ACAP3: variants seen among roughly 807,000 people sequenced by gnomAD.
ACAP3 encodes arf-GAP with coiled-coil, ANK repeat and PH domain-containing protein 3.
A neutral mutation model predicts 104.1 loss-of-function variants in ACAP3; 56 were observed. The ratio of observed to expected loss-of-function variants is 0.54; its 90% CI spans 0.43 to 0.67. The LOEUF (loss-of-function observed/expected upper bound fraction) is 0.67, where lower values mean the gene tolerates loss of function less well. Ranked by LOEUF, ACAP3 falls within the 30% of genes least tolerant of loss-of-function variation. ACAP3 has a pLI of 0.00. For synonymous variants in ACAP3, 628 were observed against 496.2 expected (o/e 1.27, Z -3.53); for missense variants, 1,208 against 1,174.9 (o/e 1.03, Z -0.41).
Position 1,294,060 on chromosome 1 carries a change from A to G in ACAP3, c.2249+30T>C, listed in dbSNP as rs771727561. On this transcript the variant is annotated intron_variant, in intron 22 of 23. Transcript: ENST00000354700. ...GGGCCGGGGTAGGCGTGGTCGGGGC[A>G]CAGGGCGGGGCGTGGGTTGCGCGTC... 20 of 1,533,008 alleles carry G rather than the reference A, an allele frequency of 1.3e-5. No homozygotes were observed. In the East Asian group the frequency reaches 4.5e-4, roughly 34 times the overall value. The allele number at this position is 1,533,008 out of a possible 1,614,324, so 95.0% of individuals were successfully genotyped here.
At position 1,295,449 on chromosome 1, in the gene ACAP3, C is replaced by T. The variant is rs776504903; in HGVS notation, c.1811G>A (p.Arg604His). Residue 604 changes from arginine (R) to histidine (H), a missense_variant and splice_region_variant, in exon 19 of 24, where the codon CGC becomes CAC. Transcript: ENST00000354700. ...FDAGAAGAGP[R>H]SLSSDSGLGG... ...GGCTGGGCCCACCCCACACTTACTG[C>T]GAGGGCCAGCCCCTGCGGCCCCTGC... is the stretch of plus-strand genomic sequence containing the variant. 145 of 1,612,162 alleles carry T rather than the reference C, an allele frequency of 9.0e-5. No homozygotes were observed. Among genetic ancestry groups the T allele is most frequent in the Non-Finnish European group, 1.2e-4 (137 of 1,179,732 alleles).
chr1:1,293,583 A>G lies in ACAP3; in HGVS notation c.2486T>C (p.Leu829Pro). 6.8e-7 allele frequency: 1 copy of G among 1,466,192 alleles called. No individual in the cohort carries two copies. Among genetic ancestry groups the G allele is most frequent in the East Asian group, 3.1e-5 (1 of 32,638 alleles). 90.8% of individuals were successfully genotyped at this position (1,466,192 alleles called of 1,614,324 possible). A position where few individuals can be genotyped will look rare whatever the true frequency, so the allele number is the denominator to read the frequency against. Residue 829 changes from leucine to proline, a missense_variant, in exon 24 of 24, where the codon CTC (leucine) becomes CCC (proline). Transcript: ENST00000354700. ...CCGGCCCTAGCTCTCTTCCAGGTGGAGGCTGATGAACTCCTGGATACACCT... is the reference window on the plus strand; with the variant it reads ...CCGGCCCTAGCTCTCTTCCAGGTGGGGGCTGATGAACTCCTGGATACACCT... ...FRRCIQEFIS[L>P]HLEES is the part of the protein sequence containing the mutation.
chr1:1,298,069 C>T lies in ACAP3; in HGVS notation c.960G>A (p.Val320=). The T allele has an allele frequency of 6.2e-7, 1 of 1,610,948 alleles. No individual in the cohort carries two copies. Among genetic ancestry groups the T allele is most frequent in the South Asian group, 1.1e-5 (1 of 90,748 alleles). Reference sequence around the variant, plus strand: ...TCCGCTCGATGTCCTCACACGGCTTCACAGAGCACAGGCGGAGGTCATCCA... The same window carrying T: ...TCCGCTCGATGTCCTCACACGGCTTTACAGAGCACAGGCGGAGGTCATCCA... ...VVVDDLRLCS[V]KPCEDIERRF... is the part of the protein sequence containing the mutation. Residue 320 remains valine, a synonymous_variant, in exon 13 of 24, where the codon GTG becomes GTA. Coordinates refer to ENST00000354700, the MANE Select transcript of ACAP3 (RefSeq NM_030649.3).
In ACAP3 at chr1:1,300,587, G is replaced by C. The variant is rs371151980; in HGVS notation, c.444C>G (p.His148Gln). ...RNAQAPRHRP[H>Q]EVEEATGALT... ...GGGCCCCGGTGGCTTCCTCCACCTCGTGGGGCCGGTGCCTCGGGGCCTGGG... is the reference window on the plus strand; with the variant it reads ...GGGCCCCGGTGGCTTCCTCCACCTCCTGGGGCCGGTGCCTCGGGGCCTGGG... The change falls in exon 6 of 24, where the codon CAC (histidine) becomes CAG (glutamine). Residue 148 changes from histidine to glutamine, a missense_variant. Coordinates refer to ENST00000354700, the MANE Select transcript of ACAP3 (RefSeq NM_030649.3). The C allele has an allele frequency of 1.2e-6, 2 of 1,610,846 alleles. No homozygotes were observed. Among genetic ancestry groups the C allele is most frequent in the East Asian group, 2.2e-5 (1 of 44,756 alleles).
chr1:1,307,489 AG>A (rs1641788203), intron 1 of ACAP3: 3 of 1,257,784 alleles, frequency 2.4e-6, no homozygotes, highest in Non-Finnish European at 3.1e-6. Context: ...AGCCCAGTGG[AG>A]GTGCAGACAC....
At chr1:1,301,125 C>T (rs1328229836) in intron 5 of ACAP3, among the ~76,000 whole-genome samples, 1 of 151,734 alleles carries the variant, frequency 6.6e-6, no homozygotes, top group Non-Finnish European at 1.5e-5. Context: ...GGCTGGAGTG[C>T]AGTGGCACAG....
Position 1,294,806 on chromosome 1 carries a change from G to T in ACAP3, c.1824C>A (p.Ser608Arg). The change falls in exon 20 of 24, where the codon AGC (serine) becomes AGA (arginine). Residue 608 changes from serine (S) to arginine (R), a missense_variant. Coordinates refer to ENST00000354700, the MANE Select transcript of ACAP3 (RefSeq NM_030649.3). ...CCGAGCTGCCCCCAAGGCCACTGTC[G>T]CTACTCAGACCTGCAGGTCCGCAGG... ...AAGAGPRSLS[S>R]DSGLGGSSDG... The T allele has an allele frequency of 1.3e-6, 2 of 1,549,856 alleles. No homozygotes were observed. The highest frequency in any genetic ancestry group is 1.7e-6 in the Non-Finnish European group (2 of 1,146,702).
In ACAP3 at chr1:1,307,424, C is replaced by T. The variant is rs986621108; in HGVS notation, c.47+345G>A. ...AGTCAGAGACCAGGGGCCGACGCCC[C>T]CACGGACCCAGACGACCCTGGCCAG... On this transcript the variant is annotated intron_variant, in intron 1 of 23. Coordinates refer to ENST00000354700, the MANE Select transcript of ACAP3 (RefSeq NM_030649.3). 4 of 1,293,526 alleles carry T rather than the reference C, an allele frequency of 3.1e-6. No individual in the cohort carries two copies. The African/African-American group carries it at 6.1e-5, about 20-fold the overall frequency. 80.1% of individuals were successfully genotyped at this position (1,293,526 alleles called of 1,614,324 possible).
At position 1,299,381 on chromosome 1, in the gene ACAP3, T is replaced by G. The variant is rs749875394; in HGVS notation, c.739-25A>C. 19 of 1,532,620 alleles carry G rather than the reference T, an allele frequency of 1.2e-5. No homozygotes were observed. The East Asian group carries it at 4.3e-4, about 34-fold the overall frequency. 94.9% of individuals were successfully genotyped at this position (1,532,620 alleles called of 1,614,324 possible). ...TCTGGAGGGCCGGAGCAGGAGGGGGTAGGGGGAGAAAGCCAGTGAGTGACG... is the reference window on the plus strand; with the variant it reads ...TCTGGAGGGCCGGAGCAGGAGGGGGGAGGGGGAGAAAGCCAGTGAGTGACG... On this transcript the variant is annotated intron_variant, in intron 9 of 23. Coordinates refer to ENST00000354700, the MANE Select transcript of ACAP3 (RefSeq NM_030649.3).
At chr1:1,304,573 A>G (rs10399878) in intron 1 of ACAP3, 203,337 of 221,320 alleles carry the variant, frequency 0.92, 93,627 homozygotes, top group Non-Finnish European at 0.95. Flanking sequence ...CAGGTCTGGC[A>G]CCCATGCACT....
chr1:1,297,615 A>G (rs11260583), intron 14 of ACAP3, among the ~76,000 whole-genome samples: 4 of 38,340 alleles, frequency 1.0e-4, no homozygotes, highest in Non-Finnish European at 1.5e-4. Context: ...GTGTGTGCAC[A>G]GGCACGGGGC....
At chr1:1,298,509 G>A (rs1334271345) in intron 11 of ACAP3, 58 bp downstream of exon 11, 64 of 257,768 alleles carry the variant, frequency 2.5e-4, no homozygotes, top group African/African-American at 1.0e-3. Flanking sequence ...CCCCACCCCC[G>A]CCTGAGGACC....
At chr1:1,298,257 C>G (rs1641284551) in intron 12 of ACAP3, 113 bp downstream of exon 12, 5 of 1,582,310 alleles carry the variant, frequency 3.2e-6, no homozygotes, top group Non-Finnish European at 4.3e-6. Flanking sequence ...ACTGTTCCGG[C>G]TCCGGCGTCC....
intron 14 of ACAP3, 57 bp from the exon 15 acceptor site, chr1:1,296,690 G>A (rs1476170741): frequency 4.0e-6 from 6 of 1,499,728 alleles, no homozygotes; most frequent in Non-Finnish European, 8.9e-7. Flanking sequence ...GGTTTCCCCA[G>A]CAGGCCCCCT....
chr1:1,303,922 C>G lies in ACAP3; in HGVS notation c.105+164G>C. On this transcript the variant is annotated intron_variant, in intron 2 of 23. Transcript: ENST00000354700. The surrounding 1 kb of genome is among the most constrained non-coding windows in gnomAD (Gnocchi z 4.0). ...ACATGTGTGCATGTGACATGTGCAC[C>G]CTGGAACACACATGCTAAGACACAG... 1 of 824,092 alleles carries G rather than the reference C, an allele frequency of 1.2e-6. No individual in the cohort carries two copies. Among genetic ancestry groups the G allele is most frequent in the Admixed American group, 2.4e-5 (1 of 41,978 alleles). 51.0% of individuals were successfully genotyped at this position (824,092 alleles called of 1,614,324 possible). A position where few individuals can be genotyped will look rare whatever the true frequency, so the allele number is the denominator to read the frequency against.
chr1:1,305,684 G>A (rs1351665048), intron 1 of ACAP3: 1 of 152,640 alleles, frequency 6.6e-6, no homozygotes. Flanking sequence ...CTCAGCCCAG[G>A]ATTTCCTCAG....
intron 22 of ACAP3, 27 bp from the exon 23 acceptor site, chr1:1,293,960 T>C: frequency 9.5e-7 from 1 of 1,050,732 alleles, no homozygotes; most frequent in Non-Finnish European, 1.4e-6. Context: ...GAGGGGCGTG[T>C]CGGGGCGGGG....
rs1308161824 is a variant in ACAP3 at position 1,303,416 on chromosome 1, C to A, written c.106-135G>T. 9.0e-7 allele frequency: 1 copy of A among 1,106,520 alleles called. No individual in the cohort carries two copies. The highest frequency in any genetic ancestry group is 1.2e-6 in the Non-Finnish European group (1 of 842,766). The allele number at this position is 1,106,520 out of a possible 1,614,324, so 68.5% of individuals were successfully genotyped here. On this transcript the variant is annotated intron_variant, in intron 2 of 23. Transcript: ENST00000354700. This position sits in a 1 kb window ranked among gnomAD's most constrained non-coding sequence, Gnocchi z 4.0. Reference sequence around the variant, plus strand: ...GCGTTGGCACTCAGGACTCAGTGCCCCGGTGCAGCTTCCTCACGCCTGGGC... The same window carrying A: ...GCGTTGGCACTCAGGACTCAGTGCCACGGTGCAGCTTCCTCACGCCTGGGC...
rs1557591695 is a variant in ACAP3 at position 1,293,089 on chromosome 1, A to G, written c.*475T>C. 6.6e-6 allele frequency: 1 copy of G among 152,258 alleles called. No homozygotes were observed. The highest frequency in any genetic ancestry group is 2.4e-5 in the African/African-American group (1 of 41,426). The allele number at this position is 152,258 out of a possible 1,614,324, so 9.4% of individuals were successfully genotyped here. On this transcript the variant is annotated 3_prime_UTR_variant, in exon 24 of 24. Coordinates refer to ENST00000354700, the MANE Select transcript of ACAP3 (RefSeq NM_030649.3). ...CGCCAGCCTGGATGCTGGGGTCACT[A>G]AGTGAGGTACTCGTTGGTTCCCTGG...
Sources: allele counts gnomAD v4.1 joint callset (sites outside exome capture counted in the v4.1 genomes callset), GRCh38; gene constraint gnomAD v4.1.1; non-coding constraint Gnocchi (gnomAD v3.1); transcripts MANE v1.5; gene names NCBI Gene and HGNC (gene_info 2026-07-23, HGNC 2026-07-21).